Variants in ANKRD65 observed in about 807,000 individuals in gnomAD.
ANKRD65 encodes the protein ankyrin repeat domain-containing protein 65.
Under a neutral mutation model 17.2 loss-of-function variants are expected in ANKRD65, and 26 were observed. That is an observed-to-expected ratio of 1.51 (90% confidence interval 1.11 to 2.09). The LOEUF (loss-of-function observed/expected upper bound fraction) is 2.09. Ranked by LOEUF, ANKRD65 falls within the 30% of genes most tolerant of loss-of-function variation. The pLI, the probability that ANKRD65 is intolerant of heterozygous loss-of-function variation, is 0.00. For missense variants in ANKRD65, 621 were observed against 542.2 expected, an observed-to-expected ratio of 1.15 and a Z score of -1.44; for synonymous variants, 311 against 272.2, an observed-to-expected ratio of 1.14 and a Z score of -1.40.
chr1:1,419,652 C>T, intron 3 of ANKRD65, 103 bp from the exon 4 acceptor site: 2 of 1,083,750 alleles, frequency 1.8e-6, no homozygotes, highest in Admixed American at 2.9e-5. Flanking sequence ...CCCGCAGCGG[C>T]CTGTCTCTCC....
Position 1,418,858 on chromosome 1 carries a change from A to T in ANKRD65, c.*242T>A. ...AGAGGGTCTCTCTTCCCTCATTGCC[A>T]CAACTCATTCTTTGTTGAAGTATGG... On this transcript the variant is annotated 3_prime_UTR_variant, in exon 4 of 4. Transcript: ENST00000537107. 4.2e-6 allele frequency: 2 copies of T among 477,928 alleles called. No individual in the cohort carries two copies. Among genetic ancestry groups the T allele is most frequent in the East Asian group, 6.2e-5 (2 of 32,494 alleles). 29.6% of individuals were successfully genotyped at this position (477,928 alleles called of 1,614,324 possible). A position where few individuals can be genotyped will look rare whatever the true frequency, so the allele number is the denominator to read the frequency against.
chr1:1,419,336 G>A lies in ANKRD65; in HGVS notation c.964C>T (p.Leu322=). The A allele has an allele frequency of 3.2e-6, 5 of 1,550,348 alleles. No homozygotes were observed. The highest frequency in any genetic ancestry group is 4.4e-6 in the Non-Finnish European group (5 of 1,146,864). Residue 322 remains leucine (L), a synonymous_variant, in exon 4 of 4, where the codon CTG becomes TTG. Coordinates refer to ENST00000537107, the MANE Select transcript of ANKRD65 (RefSeq NM_001145210.3). ...GCATCCACCTGGGCACCCCTGTCCA[G>A]CAGGCAGCCGGCAACCTCCACGTGG... is the stretch of plus-strand genomic sequence containing the variant. ...EGHVEVAGCL[L]DRGAQVDATG...
rs1645491735 is a variant in ANKRD65, at chr1:1,419,010, C to T, written c.*90G>A. On this transcript the variant is annotated 3_prime_UTR_variant, in exon 4 of 4. Transcript: ENST00000537107. ...TTCTCCCATCCCCTCCTCCGGAAGCCTCTTCCCTGATGTCCCCTCCAGGCA... is the reference window on the plus strand; with the variant it reads ...TTCTCCCATCCCCTCCTCCGGAAGCTTCTTCCCTGATGTCCCCTCCAGGCA... 2 of 1,365,586 alleles carry T rather than the reference C, an allele frequency of 1.5e-6. No individual in the cohort carries two copies. The highest frequency in any genetic ancestry group is 2.9e-5 in the Admixed American group (1 of 34,912). 84.6% of individuals were successfully genotyped at this position (1,365,586 alleles called of 1,614,324 possible).
In ANKRD65 at chr1:1,421,185, CG is replaced by C; in HGVS notation, c.-54del. ...GCTCTGGCTGAGGGTCCTCTGTAGA[CG>C]GGTTCTGGCCGAGGCTCAGCCTGGT... On this transcript the variant is annotated 5_prime_UTR_variant, in exon 1 of 4. Transcript: ENST00000537107. 1 of 624,288 alleles carries C rather than the reference CG, an allele frequency of 1.6e-6. No homozygotes were observed. Among genetic ancestry groups the C allele is most frequent in the East Asian group, 2.8e-5 (1 of 36,242 alleles). 38.7% of individuals were successfully genotyped at this position (624,288 alleles called of 1,614,324 possible).
chr1:1,421,106 G>T lies in ANKRD65; in HGVS notation c.-1+27C>A, dbSNP rs1360981166. 4.2e-6 allele frequency: 5 copies of T among 1,204,208 alleles called. No individual in the cohort carries two copies. The South Asian group carries it at 4.3e-5, about 10-fold the overall frequency. 74.6% of individuals were successfully genotyped at this position (1,204,208 alleles called of 1,614,324 possible). On this transcript the variant is annotated intron_variant, in intron 1 of 3. Coordinates refer to ENST00000537107, the MANE Select transcript of ANKRD65 (RefSeq NM_001145210.3). ...AGCCCCCCATTCCAGTTACCACTTAGCCTTCAGAGGGGCTTGGCTCTGTTA... is the reference window on the plus strand; with the variant it reads ...AGCCCCCCATTCCAGTTACCACTTATCCTTCAGAGGGGCTTGGCTCTGTTA...
At chr1:1,420,619 C>G in intron 2 of ANKRD65, 27 bp from the exon 3 acceptor site, 1 of 1,420,968 alleles carries the variant, frequency 7.0e-7, no homozygotes, top group Non-Finnish European at 9.2e-7. Context: ...GGCGTCGGCG[C>G]GGGGGTGGAC....
In ANKRD65 at chr1:1,421,002, C is replaced by G. The variant is rs1557760539; in HGVS notation, c.4G>C (p.Asp2His). The part of the protein sequence containing the change: M[D>H]SQRPEPREEE... ...TCTCTGGGCTCAGGCCTCTGGGAGT[C>G]CATCTGGGGGGGAGCAGGGATCCTA... Residue 2 changes from aspartate (D) to histidine (H), a missense_variant, in exon 2 of 4, where the codon GAC becomes CAC. Asp to His is a moderately conservative substitution (Grantham distance 81). Transcript: ENST00000537107. The G allele has an allele frequency of 1.3e-6, 2 of 1,550,344 alleles. No homozygotes were observed. The highest frequency in any genetic ancestry group is 1.7e-6 in the Non-Finnish European group (2 of 1,146,920).
Position 1,420,308 on chromosome 1 carries a change from G to C in ANKRD65, c.494C>G (p.Pro165Arg), listed in dbSNP as rs1015736534. 6.5e-6 allele frequency: 7 copies of C among 1,075,270 alleles called. No homozygotes were observed. The highest frequency in any genetic ancestry group is 5.1e-5 in the African/African-American group (3 of 58,522). The allele number at this position is 1,075,270 out of a possible 1,614,324, so 66.6% of individuals were successfully genotyped here. A position where few individuals can be genotyped will look rare whatever the true frequency, so the allele number is the denominator to read the frequency against. ...LAARLLEAPG[P>R]GPAAAEAEDA... ...CTCCGCCTCCGCTGCCGCGGGTCCC[G>C]GGCCCGGAGCCTCCAGCAGGCGCGC... The change falls in exon 3 of 4, where the codon CCG (proline) becomes CGG (arginine). Residue 165 changes from proline to arginine, a missense_variant. Transcript: ENST00000537107.
rs1476018316 is a variant in ANKRD65, at chr1:1,420,313, C to T, written c.489G>A (p.Pro163=). The change falls in exon 3 of 4, where the codon CCG becomes CCA. Residue 163 remains proline (P), a synonymous_variant. Coordinates refer to ENST00000537107, the MANE Select transcript of ANKRD65 (RefSeq NM_001145210.3). ...TLLAARLLEA[P]GPGPAAAEAE... is the part of the protein sequence containing the mutation. ...CCTCCGCTGCCGCGGGTCCCGGGCC[C>T]GGAGCCTCCAGCAGGCGCGCGGCCA... The T allele has an allele frequency of 2.7e-6, 3 of 1,092,378 alleles. No homozygotes were observed. Among genetic ancestry groups the T allele is most frequent in the Non-Finnish European group, 3.3e-6 (3 of 901,004 alleles). 67.7% of individuals were successfully genotyped at this position (1,092,378 alleles called of 1,614,324 possible).
chr1:1,420,035 C>A lies in ANKRD65; in HGVS notation c.750+17G>T, dbSNP rs941567859. 17 of 1,264,912 alleles carry A rather than the reference C, an allele frequency of 1.3e-5. No homozygotes were observed. The East Asian group carries it at 3.9e-4, about 29-fold the overall frequency. The allele number at this position is 1,264,912 out of a possible 1,614,324, so 78.4% of individuals were successfully genotyped here. ...TGCGCCCCCTCCCATCACTGCCGGG[C>A]GGAGGGCGGGACGTACCTGGGAGCG... is the stretch of plus-strand genomic sequence containing the variant. On this transcript the variant is annotated intron_variant, in intron 3 of 3. Coordinates refer to ENST00000537107, the MANE Select transcript of ANKRD65 (RefSeq NM_001145210.3).
In ANKRD65 at chr1:1,420,839, A is replaced by G; in HGVS notation, c.167T>C (p.Leu56Pro). The change falls in exon 2 of 4, where the codon CTG (leucine) becomes CCG (proline). Residue 56 changes from leucine to proline, a missense_variant. Physicochemically the swap from Leu to Pro is moderately conservative, Grantham distance 98. Coordinates refer to ENST00000537107, the MANE Select transcript of ANKRD65 (RefSeq NM_001145210.3). ...ACCTTGCCGCAGCAGCTGCGTCACC[A>G]GGCCTGCAGGGCCCCTCCACACGGC... ...LQAVWRGPAG[L>P]VTQLLRQGAS... 6.5e-7 allele frequency: 1 copy of G among 1,549,428 alleles called. No individual in the cohort carries two copies. The highest frequency in any genetic ancestry group is 1.2e-5 in the South Asian group (1 of 84,010).
chr1:1,420,615 G>T, intron 2 of ANKRD65, 23 bp from the exon 3 acceptor site: 1 of 1,416,760 alleles, frequency 7.1e-7, no homozygotes, highest in Non-Finnish European at 9.2e-7. Context: ...CAAGGGCGTC[G>T]GCGCGGGGGT....
In ANKRD65 at chr1:1,419,447, C is replaced by G; in HGVS notation, c.853G>C (p.Val285Leu). The G allele has an allele frequency of 6.5e-7, 1 of 1,549,234 alleles. No homozygotes were observed. The change falls in exon 4 of 4, where the codon GTC (valine) becomes CTC (leucine). Residue 285 changes from valine to leucine, a missense_variant. Physicochemically the swap from Val to Leu is conservative, Grantham distance 32 (BLOSUM62 1). Coordinates refer to ENST00000537107, the MANE Select transcript of ANKRD65 (RefSeq NM_001145210.3). ...GCCCCCTGGGTGACCAGCAACTGGACGGCAAGCAGGTGTCCTCGGGCGGCA... is the reference window on the plus strand; with the variant it reads ...GCCCCCTGGGTGACCAGCAACTGGAGGGCAAGCAGGTGTCCTCGGGCGGCA... Reference protein sequence around the residue: ...RAAARGHLLAVQLLVTQGAEV... With the variant: ...RAAARGHLLALQLLVTQGAEV...
In ANKRD65 at chr1:1,419,482, A is replaced by G. The variant is rs1277670134; in HGVS notation, c.818T>C (p.Leu273Pro). ...GIRDRHGRSALHRAAARGHLL... is the reference protein window; with the variant it reads ...GIRDRHGRSAPHRAAARGHLL... ...GTGTCCTCGGGCGGCAGCCCTGTGC[A>G]GCGCAGAGCGGCCATGCCTGTCCCT... Residue 273 changes from leucine (L) to proline (P), a missense_variant, in exon 4 of 4, where the codon CTG becomes CCG. Transcript: ENST00000537107. 4 of 1,546,782 alleles carry G rather than the reference A, an allele frequency of 2.6e-6. No homozygotes were observed. In the Admixed American group the frequency reaches 5.9e-5, roughly 23 times the overall value.
In ANKRD65 at chr1:1,419,064, C is replaced by G. The variant is rs564880536; in HGVS notation, c.*36G>C. ...AGCCTCAGCCAGAGAGCCTGGAAAT[C>G]ACTGGGGCGGTGGAGCCTGGAGCCT... On this transcript the variant is annotated 3_prime_UTR_variant, in exon 4 of 4. Coordinates refer to ENST00000537107, the MANE Select transcript of ANKRD65 (RefSeq NM_001145210.3). The G allele has an allele frequency of 5.9e-5, 86 of 1,456,752 alleles. No homozygotes were observed. In the East Asian group the frequency reaches 1.5e-3, roughly 25 times the overall value. The allele number at this position is 1,456,752 out of a possible 1,614,324, so 90.2% of individuals were successfully genotyped here.
At chr1:1,419,768 C>A (rs1210002092) in intron 3 of ANKRD65, among the ~76,000 whole-genome samples, 5 of 152,216 alleles carry the variant, frequency 3.3e-5, no homozygotes, top group Non-Finnish European at 5.9e-5. Context: ...GATCTGCAGC[C>A]AACACCCTGC....
At chr1:1,419,663 T>A in intron 3 of ANKRD65, 114 bp from the exon 4 acceptor site, 2 of 983,970 alleles carry the variant, frequency 2.0e-6, no homozygotes, top group Non-Finnish European at 2.9e-6. Flanking sequence ...CTGTCTCTCC[T>A]GACACCACTT....
chr1:1,420,614 C>T, intron 2 of ANKRD65, 22 bp from the exon 3 acceptor site: 3 of 1,418,790 alleles, frequency 2.1e-6, no homozygotes, highest in East Asian at 2.5e-5. Flanking sequence ...GCAAGGGCGT[C>T]GGCGCGGGGG....
rs1459076598 is a variant in ANKRD65 at position 1,419,329 on chromosome 1, CT to C, written c.970del (p.Arg324GlyfsTer32). On this transcript the variant is annotated frameshift_variant, in exon 4 of 4. Transcript: ENST00000537107. LOFTEE classifies it low-confidence loss of function (END_TRUNC). ...GCCGGTAGCATCCACCTGGGCACCC[CT>C]GTCCAGCAGGCAGCCGGCAACCTCC... Reference protein sequence around the residue: ...HVEVAGCLLDRGAQVDATGWL... With the variant: ...HVEVAGCLLDXGAQVDATGWL... 2.6e-6 allele frequency: 4 copies of C among 1,550,416 alleles called. No homozygotes were observed. Among genetic ancestry groups the C allele is most frequent in the Middle Eastern group, 1.7e-4 (1 of 5,992 alleles).
Sources: gnomAD v4.1 joint callset for allele counts (sites outside exome capture counted in the v4.1 genomes callset) on GRCh38, gnomAD v4.1.1 for gene constraint, MANE v1.5 for transcripts, NCBI Gene and HGNC (gene_info 2026-07-23, HGNC 2026-07-21) for gene names.